NR2F1-AS1: variants seen among roughly 807,000 people sequenced by gnomAD.
NR2F1-AS1 encodes NR2F1 antisense RNA 1.
intron 1 of NR2F1-AS1, among the ~76,000 whole-genome samples, chr5:93,576,690 G>C (rs1366782905): frequency 6.6e-6 from 1 of 152,120 alleles, no homozygotes; most frequent in Non-Finnish European, 1.5e-5. Flanking sequence ...AAACATATTA[G>C]AGCAGTCTTT....
At chr5:93,580,301 C>A (rs780977145) in intron 1 of NR2F1-AS1, among the ~76,000 whole-genome samples, 1 of 152,232 alleles carries the variant, frequency 6.6e-6, no homozygotes, top group Non-Finnish European at 1.5e-5. Flanking sequence ...AGAGGCCGAG[C>A]GAGGGCAACT....
At chr5:93,534,935 T>C (rs960062633) in intron 4 of NR2F1-AS1, among the ~76,000 whole-genome samples, 1 of 152,152 alleles carries the variant, frequency 6.6e-6, no homozygotes, top group Non-Finnish European at 1.5e-5. Context: ...TCACTGTTTG[T>C]CCAAAAGCCA....
At chr5:93,556,006 A>G (rs1752345460) in intron 2 of NR2F1-AS1, among the ~76,000 whole-genome samples, 1 of 152,056 alleles carries the variant, frequency 6.6e-6, no homozygotes, top group Non-Finnish European at 1.5e-5. Flanking sequence ...AACCCTAAAG[A>G]GCCTCACCCA....
At chr5:93,578,618 C>T (rs995791984) in intron 1 of NR2F1-AS1, among the ~76,000 whole-genome samples, 2 of 152,054 alleles carry the variant, frequency 1.3e-5, no homozygotes, top group Non-Finnish European at 1.5e-5. Flanking sequence ...CACAGCGGTC[C>T]GAGTCCAAGA....
intron 4 of NR2F1-AS1, among the ~76,000 whole-genome samples, chr5:93,471,094 T>C (rs1750355440): frequency 6.6e-6 from 1 of 151,938 alleles, no homozygotes; most frequent in Admixed American, 6.6e-5. Flanking sequence ...AGAATGTTAT[T>C]TGGCCTCTTT....
At chr5:93,512,375 G>C (rs1000672226) in intron 4 of NR2F1-AS1, among the ~76,000 whole-genome samples, 1 of 152,162 alleles carries the variant, frequency 6.6e-6, no homozygotes, top group Non-Finnish European at 1.5e-5. Context: ...AAGTGTTACT[G>C]TGTTTTAAGC....
At chr5:93,524,869 G>C (rs1312294963) in intron 4 of NR2F1-AS1, among the ~76,000 whole-genome samples, 1 of 152,132 alleles carries the variant, frequency 6.6e-6, no homozygotes, top group Non-Finnish European at 1.5e-5. Flanking sequence ...ACTAAACATG[G>C]TAAGGAAAAA....
At chr5:93,556,075 C>T (rs546057577) in intron 2 of NR2F1-AS1, among the ~76,000 whole-genome samples, 14 of 152,096 alleles carry the variant, frequency 9.2e-5, no homozygotes, top group Non-Finnish European at 1.9e-4. Flanking sequence ...GCTCACTATC[C>T]CTAAAGTATT....
rs1343918704 is a variant in NR2F1-AS1, at chr5:93,579,373, G to C, written n.313+1094C>G. On this transcript the variant is annotated intron_variant and non_coding_transcript_variant, in intron 1 of 5. Transcript: ENST00000660523. The surrounding 1 kb of genome is among the most constrained non-coding windows in gnomAD (Gnocchi z 5.1). ...AGCCCGCGGCTTCGCCTGAGGCCTC[G>C]CGGGCCCAACTTCTCCCCACCGCTA... 6.6e-6 allele frequency among the ~76,000 whole-genome samples: 1 copy of C among 152,036 alleles called. No individual in the cohort carries two copies. The highest frequency in any genetic ancestry group is 2.4e-5 in the African/African-American group (1 of 41,424).
At chr5:93,464,419 A>G (rs1402357039) in intron 4 of NR2F1-AS1, among the ~76,000 whole-genome samples, 1 of 152,180 alleles carries the variant, frequency 6.6e-6, no homozygotes, top group East Asian at 1.9e-4. Context: ...TTTACTAGAA[A>G]ATTAGAAAAT....
chr5:93,466,393 C>T (rs907304170), intron 4 of NR2F1-AS1, among the ~76,000 whole-genome samples: 6 of 151,252 alleles, frequency 4.0e-5, no homozygotes, highest in Non-Finnish European at 5.9e-5. Context: ...AGTGCAGTGG[C>T]GCACTCAATC....
upstream of NR2F1-AS1, among the ~76,000 whole-genome samples, chr5:93,581,502 G>T (rs1337556158): frequency 6.6e-6 from 1 of 152,222 alleles, no homozygotes; most frequent in East Asian, 1.9e-4. Flanking sequence ...GCTGCCTGCG[G>T]GGAGGGGAGG....
At chr5:93,493,591 C>T (rs1750897086) in intron 4 of NR2F1-AS1, among the ~76,000 whole-genome samples, 1 of 151,962 alleles carries the variant, frequency 6.6e-6, no homozygotes, top group Non-Finnish European at 1.5e-5. Context: ...TTCCCAATTT[C>T]AAAACTTACT....
At chr5:93,533,328 C>T (rs968252821) in intron 4 of NR2F1-AS1, among the ~76,000 whole-genome samples, 10 of 151,864 alleles carry the variant, frequency 6.6e-5, no homozygotes, top group East Asian at 3.9e-4. Context: ...TTTATTTTCA[C>T]GAGTTATTTT....
chr5:93,576,697 CT>C (rs966239489), intron 1 of NR2F1-AS1, among the ~76,000 whole-genome samples: 126 of 152,210 alleles, frequency 8.3e-4, no homozygotes, highest in African/African-American at 2.9e-3. Context: ...TTAGAGCAGT[CT>C]TTAGTCAGTG....
At chr5:93,518,829 G>T (rs1198769739) in intron 4 of NR2F1-AS1, among the ~76,000 whole-genome samples, 2 of 152,050 alleles carry the variant, frequency 1.3e-5, no homozygotes, top group Non-Finnish European at 2.9e-5. Flanking sequence ...TGTCAAAGCT[G>T]ATAATTTCAT....
At chr5:93,505,900 C>T (rs1433261631) in intron 4 of NR2F1-AS1, among the ~76,000 whole-genome samples, 1 of 152,170 alleles carries the variant, frequency 6.6e-6, no homozygotes, top group South Asian at 2.1e-4. Flanking sequence ...ACATTAGGCT[C>T]CTTGCTACTT....
chr5:93,429,861 G>A (rs925939185), intron 4 of NR2F1-AS1, among the ~76,000 whole-genome samples: 5 of 152,148 alleles, frequency 3.3e-5, no homozygotes, highest in South Asian at 2.1e-4. Context: ...CTGTGACTTG[G>A]TTTCATCTAT....
At position 93,441,802 on chromosome 5, in the gene NR2F1-AS1, T is replaced by C. The variant is rs142509443; in HGVS notation, n.639-46260A>G. 2.0e-5 allele frequency among the ~76,000 whole-genome samples: 3 copies of C among 152,344 alleles called. No homozygotes were observed. In the East Asian group the frequency reaches 5.8e-4, roughly 29 times the overall value. On this transcript the variant is annotated intron_variant and non_coding_transcript_variant, in intron 4 of 5. Coordinates refer to ENST00000660523, the Ensembl canonical transcript of NR2F1-AS1. ...AATCCAATGTGCCTGTAACATTATATACCATGTGTAGATGCTCAACAGAAG... is the reference window on the plus strand; with the variant it reads ...AATCCAATGTGCCTGTAACATTATACACCATGTGTAGATGCTCAACAGAAG...
Sources: gnomAD v4.1 joint callset for allele counts (sites outside exome capture counted in the v4.1 genomes callset) on GRCh38, gnomAD v4.1.1 for gene constraint, Gnocchi (gnomAD v3.1) non-coding constraint, MANE v1.5 for transcripts, NCBI Gene and HGNC (gene_info 2026-07-23, HGNC 2026-07-21) for gene names.